The following DOCK1 variants were observed in gnomAD, a reference collection of about 807,000 sequenced individuals.
DOCK1 encodes dedicator of cytokinesis 1, also known as dedicator of cytokinesis protein 1.
Under a neutral mutation model 262.7 loss-of-function variants are expected in DOCK1, and 138 were observed. The ratio of observed to expected loss-of-function variants is 0.53; its 90% CI spans 0.46 to 0.61. The LOEUF (loss-of-function observed/expected upper bound fraction) is 0.61. Ranked by LOEUF, DOCK1 falls within the 20% of genes least tolerant of loss-of-function variation. The probability of loss-of-function intolerance (pLI) is 0.00; values close to 1 mark genes in which losing one functional copy is unlikely to be tolerated. For missense variants in DOCK1, 1,908 were observed against 2,370.7 expected (o/e 0.80, Z 4.05); for synonymous variants, 866 against 867.4 (o/e 1.00, Z 0.03).
chr10:127,151,203 T>A (rs972838682), intron 27 of DOCK1, among the ~76,000 whole-genome samples: 2 of 152,162 alleles, frequency 1.3e-5, no homozygotes, highest in African/African-American at 4.8e-5. Context: ...GATAGGGAGT[T>A]TAGGAAGCAG....
intron 38 of DOCK1, among the ~76,000 whole-genome samples, chr10:127,399,865 A>G (rs888439465): frequency 6.6e-6 from 1 of 152,198 alleles, no homozygotes; most frequent in Non-Finnish European, 1.5e-5. Context: ...AAAGTAGGGA[A>G]GTTCTCCCTT....
intron 30 of DOCK1, among the ~76,000 whole-genome samples, chr10:127,342,461 C>CA (rs1208658567): frequency 6.6e-6 from 1 of 152,122 alleles, no homozygotes; most frequent in Non-Finnish European, 1.5e-5. Context: ...CTCAGCTCTG[C>CA]AATGGGGATA....
At chr10:127,243,534 C>T (rs533800139) in intron 27 of DOCK1, among the ~76,000 whole-genome samples, 6 of 152,200 alleles carry the variant, frequency 3.9e-5, no homozygotes, top group Admixed American at 2.0e-4. Context: ...CTTCCTTCTA[C>T]CTGTGCTCAG....
intron 32 of DOCK1, 48 bp from the exon 33 acceptor site, chr10:127,362,016 G>A (rs1356560917): frequency 1.3e-6 from 2 of 1,534,374 alleles, no homozygotes; most frequent in Non-Finnish European, 1.8e-6. Context: ...GCCCATTTTA[G>A]AATTCTATTT....
chr10:127,412,157 T>A (rs1412945875), intron 43 of DOCK1, among the ~76,000 whole-genome samples: 1 of 151,650 alleles, frequency 6.6e-6, no homozygotes, highest in African/African-American at 2.4e-5. Context: ...AGAGACGGGG[T>A]TTCACGGTGT....
rs1278403243 is a variant in DOCK1, at chr10:127,298,148, A to G, written c.3044+40719A>G. The stretch of plus-strand genomic sequence containing the variant: ...TCGTTATGAGCACCATAATTTTAGT[A>G]TTTGTTCATGCATACTGTGTTATGC... On this transcript the variant is annotated intron_variant, in intron 29 of 51. Coordinates refer to ENST00000623213, the MANE Select transcript of DOCK1 (RefSeq NM_001290223.2). Among the ~76,000 whole-genome samples, 3 of 152,190 alleles carry G rather than the reference A, an allele frequency of 2.0e-5. No homozygotes were observed. The East Asian group carries it at 5.8e-4, about 29-fold the overall frequency.
chr10:127,251,190 C>T (rs2059626681), intron 28 of DOCK1, among the ~76,000 whole-genome samples: 1 of 152,046 alleles, frequency 6.6e-6, no homozygotes, highest in East Asian at 1.9e-4. Flanking sequence ...TGGTCTCCAA[C>T]TCCCAACCTC....
At chr10:127,391,367 G>A (rs193217572) in intron 38 of DOCK1, among the ~76,000 whole-genome samples, 1 of 152,230 alleles carries the variant, frequency 6.6e-6, no homozygotes, top group East Asian at 1.9e-4. Flanking sequence ...ATAGGAGAGA[G>A]GTAGAAACAG....
At chr10:127,107,020 C>T (rs2048570089) in intron 24 of DOCK1, among the ~76,000 whole-genome samples, 1 of 152,142 alleles carries the variant, frequency 6.6e-6, no homozygotes, top group Non-Finnish European at 1.5e-5. Context: ...TGCAGTGGCG[C>T]GATCATAGCT....
chr10:127,193,037 T>C (rs1436432970), intron 27 of DOCK1, among the ~76,000 whole-genome samples: 1 of 152,216 alleles, frequency 6.6e-6, no homozygotes, highest in Admixed American at 6.5e-5. Flanking sequence ...CGTCATGTAG[T>C]ATCAATCATA....
At chr10:126,917,865 C>T (rs1313015561) in intron 1 of DOCK1, among the ~76,000 whole-genome samples, 1 of 152,136 alleles carries the variant, frequency 6.6e-6, no homozygotes, top group African/African-American at 2.4e-5. Flanking sequence ...CTGTCTCCCC[C>T]AGGCGCATAA....
chr10:126,951,588 GTTGGTAGTGTTT>G (rs1160053800), intron 1 of DOCK1, among the ~76,000 whole-genome samples: 2 of 148,584 alleles, frequency 1.3e-5, no homozygotes, highest in Non-Finnish European at 3.0e-5. Flanking sequence ...TGGTAGTATT[GTTGGTAGTGTTT>G]TTGGTAGTGT....
intron 1 of DOCK1, among the ~76,000 whole-genome samples, chr10:126,950,324 A>T (rs1438288585): frequency 6.6e-6 from 1 of 151,592 alleles, no homozygotes; most frequent in Non-Finnish European, 1.5e-5. Context: ...GGTGGTAAAT[A>T]TTGGTTTGTT....
chr10:127,207,673 A>G (rs1471644524), intron 27 of DOCK1, among the ~76,000 whole-genome samples: 1 of 152,224 alleles, frequency 6.6e-6, no homozygotes, highest in Non-Finnish European at 1.5e-5. Flanking sequence ...GAGCTACATT[A>G]TAAATATTTT....
At chr10:127,369,439 T>A (rs2065092972) in intron 33 of DOCK1, among the ~76,000 whole-genome samples, 1 of 152,238 alleles carries the variant, frequency 6.6e-6, no homozygotes, top group Non-Finnish European at 1.5e-5. Context: ...GCGATTATAT[T>A]GAATTTCATT....
At chr10:127,362,909 C>CCCCA (rs1565026923) in intron 33 of DOCK1, among the ~76,000 whole-genome samples, 10 of 90,634 alleles carry the variant, frequency 1.1e-4, no homozygotes, top group South Asian at 3.6e-4. Flanking sequence ...ATGTACATCT[C>CCCCA]CACACACACA....
At chr10:127,384,987 C>G in intron 38 of DOCK1, 78 bp downstream of exon 38, 2 of 1,380,030 alleles carry the variant, frequency 1.4e-6, no homozygotes, top group Non-Finnish European at 1.9e-6. Context: ...CGTTTTTTAG[C>G]GTGTGATTTT....
chr10:127,081,444 CTGT>C (rs1171733136), intron 23 of DOCK1, among the ~76,000 whole-genome samples: 2 of 151,186 alleles, frequency 1.3e-5, no homozygotes, highest in Admixed American at 1.3e-4. Context: ...TTTAATGCTT[CTGT>C]TGTTCTCAAG....
At chr10:127,228,534 G>T (rs1047938551) in intron 27 of DOCK1, among the ~76,000 whole-genome samples, 8 of 152,198 alleles carry the variant, frequency 5.3e-5, no homozygotes, top group African/African-American at 1.9e-4. Context: ...GGCACAGTCT[G>T]TGGCTTGGTC....
Sources: gnomAD v4.1 joint callset for allele counts (sites outside exome capture counted in the v4.1 genomes callset) on GRCh38, gnomAD v4.1.1 for gene constraint, MANE v1.5 for transcripts, NCBI Gene and HGNC (gene_info 2026-07-23, HGNC 2026-07-21) for gene names.